The following PLEKHG2 variants were observed in gnomAD, a reference collection of about 807,000 sequenced individuals.
PLEKHG2 encodes the protein pleckstrin homology and RhoGEF domain containing G2.
Under a neutral mutation model 104.4 loss-of-function variants are expected in PLEKHG2, and 71 were observed. The observed-to-expected ratio is 0.68, with a 90% CI of 0.56 to 0.83. The LOEUF is 0.83. PLEKHG2 is among the 40% of genes least tolerant of loss of function. The pLI is 0.00. For missense variants in PLEKHG2, 1,730 were observed against 1,809.4 expected (o/e 0.96, Z 0.80); for synonymous variants, 728 against 737.0 (o/e 0.99, Z 0.20).
intron 8 of PLEKHG2, 70 bp from the exon 9 acceptor site, chr19:39,417,835 G>C: frequency 1.3e-6 from 2 of 1,498,794 alleles, no homozygotes; most frequent in Non-Finnish European, 1.8e-6. Flanking sequence ...CCCCTGTTTT[G>C]GTGTGTATGT....
intron 16 of PLEKHG2, chr19:39,421,702 A>T (rs2078700840): frequency 4.8e-6 from 1 of 210,450 alleles, no homozygotes; most frequent in Non-Finnish European, 9.5e-6. Context: ...AATAAATAAA[A>T]ATTTTAAGAG....
At position 39,415,576 on chromosome 19, in the gene PLEKHG2, G is replaced by A. The variant is rs1380942936; in HGVS notation, c.479+137G>A. The A allele has an allele frequency of 3.4e-5, 34 of 992,040 alleles. No homozygotes were observed. The highest frequency in any genetic ancestry group is 2.3e-5 in the Admixed American group (1 of 43,202). The allele number at this position is 992,040 out of a possible 1,614,324, so 61.5% of individuals were successfully genotyped here. A position where few individuals can be genotyped will look rare whatever the true frequency, so the allele number is the denominator to read the frequency against. ...ACATTGGGCAAGGATCAGGGATCAC[G>A]ACTGGGAGGGAGGACCCCGAGTGAG... On this transcript the variant is annotated intron_variant, in intron 4 of 18. Coordinates refer to ENST00000425673, the MANE Select transcript of PLEKHG2 (RefSeq NM_022835.3). The surrounding 1 kb of genome is among the most constrained non-coding windows in gnomAD (Gnocchi z 4.6).
At position 39,424,163 on chromosome 19, in the gene PLEKHG2, C is replaced by T; in HGVS notation, c.3030C>T (p.His1010=). The part of the protein sequence containing the change: ...PSTAFCPEQG[H]CADIHVPTTP... ...CCGCCTTTTGTCCTGAGCAGGGACA[C>T]TGTGCGGACATCCACGTTCCCACCA... The change falls in exon 19 of 19, where the codon CAC becomes CAT. Residue 1010 remains histidine, a synonymous_variant. Transcript: ENST00000425673. 1 of 1,614,164 alleles carries T rather than the reference C, an allele frequency of 6.2e-7. No individual in the cohort carries two copies. Among genetic ancestry groups the T allele is most frequent in the Non-Finnish European group, 8.5e-7 (1 of 1,180,024 alleles).
chr19:39,417,212 G>C (rs62119733), intron 7 of PLEKHG2, among the ~76,000 whole-genome samples: 29,387 of 151,592 alleles, frequency 0.19, 2,890 homozygotes, highest in Middle Eastern at 0.24. Context: ...GAGTACAGTG[G>C]TGCGATCTTG....
In PLEKHG2 at chr19:39,417,668, G is replaced by A. The variant is rs749357689; in HGVS notation, c.858G>A (p.Lys286=). Residue 286 remains lysine (K), a synonymous_variant, in exon 8 of 19, where the codon AAG becomes AAA. Coordinates refer to ENST00000425673, the MANE Select transcript of PLEKHG2 (RefSeq NM_022835.3). ...GGTACATCAACGACATGAAGCGCAA[G>A]CAGGAGCATGCAGCGCGCCTCCAGG... ...VAWYINDMKR[K]QEHAARLQEV... 1.2e-6 allele frequency: 2 copies of A among 1,613,100 alleles called. No homozygotes were observed. Among genetic ancestry groups the A allele is most frequent in the Non-Finnish European group, 1.7e-6 (2 of 1,179,760 alleles).
At chr19:39,414,849 A>T (rs12609068) in intron 2 of PLEKHG2, 143 bp from the exon 3 acceptor site, 59,734 of 959,104 alleles carry the variant, frequency 0.062, 2,447 homozygotes, top group East Asian at 0.19. Context: ...CTGGACCAAG[A>T]CAGGGCAGTG....
chr19:39,414,985 C>A lies in PLEKHG2; in HGVS notation c.110-7C>A. On this transcript the variant is annotated splice_polypyrimidine_tract_variant and splice_region_variant and intron_variant, in intron 2 of 18. Transcript: ENST00000425673. ...TTTCTCTGACCTCCTGTTCCACACC[C>A]CAGCAGCTCCTGCAGCCCCCACCAT... 6.3e-7 allele frequency: 1 copy of A among 1,589,190 alleles called. No homozygotes were observed. The highest frequency in any genetic ancestry group is 8.6e-7 in the Non-Finnish European group (1 of 1,165,648).
intron 9 of PLEKHG2, 148 bp downstream of exon 9, chr19:39,418,253 GT>G: frequency 1.4e-6 from 1 of 720,900 alleles, no homozygotes; most frequent in Non-Finnish European, 2.0e-6. Flanking sequence ...TTTCTTTCTA[GT>G]GTATAGAATG....
At position 39,423,782 on chromosome 19, in the gene PLEKHG2, A is replaced by G. The variant is rs143903073; in HGVS notation, c.2649A>G (p.Pro883=). The change falls in exon 19 of 19, where the codon CCA becomes CCG. Residue 883 remains proline, a synonymous_variant. Transcript: ENST00000425673. ...GHVLVCELAF[P]LTCAQESVPL... ...TGCTGGTATGTGAGCTGGCCTTCCC[A>G]CTGACATGTGCCCAGGAGTCTGTCC... 22 of 1,613,780 alleles carry G rather than the reference A, an allele frequency of 1.4e-5. No individual in the cohort carries two copies. The African/African-American group carries it at 2.1e-4, about 16-fold the overall frequency.
At position 39,416,320 on chromosome 19, in the gene PLEKHG2, G is replaced by A; in HGVS notation, c.480-28G>A. The A allele has an allele frequency of 6.2e-7, 1 of 1,611,204 alleles. No homozygotes were observed. ...CATGGAGGGGTCGTGAAGGCAGGCG[G>A]TTCCTCACCCTCCCCTCTCCCCTGT... On this transcript the variant is annotated intron_variant, in intron 4 of 18. Coordinates refer to ENST00000425673, the MANE Select transcript of PLEKHG2 (RefSeq NM_022835.3). This position sits in a 1 kb window ranked among gnomAD's most constrained non-coding sequence, Gnocchi z 4.5.
Position 39,425,358 on chromosome 19 carries a change from G to C in PLEKHG2, c.*64G>C. The C allele has an allele frequency of 7.8e-6, 12 of 1,539,582 alleles. No homozygotes were observed. Among genetic ancestry groups the C allele is most frequent in the Non-Finnish European group, 1.0e-5 (12 of 1,146,226 alleles). On this transcript the variant is annotated 3_prime_UTR_variant, in exon 19 of 19. Coordinates refer to ENST00000425673, the MANE Select transcript of PLEKHG2 (RefSeq NM_022835.3). Reference sequence around the variant, plus strand: ...CAGATGCCATAGACCCTCAGAACTTGACCTGGAAGTCCAGACACTGAACGC... The same window carrying C: ...CAGATGCCATAGACCCTCAGAACTTCACCTGGAAGTCCAGACACTGAACGC...
rs1045707178 is a variant in PLEKHG2, at chr19:39,413,458, G to A, written c.-23+46G>A. Reference sequence around the variant, plus strand: ...CCCAGGCGGACTGGGGGAGGGGGCGGCGCCACTGCTGAACAATGAGGGGGC... The same window carrying A: ...CCCAGGCGGACTGGGGGAGGGGGCGACGCCACTGCTGAACAATGAGGGGGC... On this transcript the variant is annotated intron_variant, in intron 1 of 18. Coordinates refer to ENST00000425673, the MANE Select transcript of PLEKHG2 (RefSeq NM_022835.3). This position sits in a 1 kb window ranked among gnomAD's most constrained non-coding sequence, Gnocchi z 4.5. 2 of 152,044 alleles carry A rather than the reference G, an allele frequency of 1.3e-5. No individual in the cohort carries two copies. Among genetic ancestry groups the A allele is most frequent in the African/African-American group, 4.8e-5 (2 of 41,378 alleles). 9.4% of individuals were successfully genotyped at this position (152,044 alleles called of 1,614,324 possible). A position where few individuals can be genotyped will look rare whatever the true frequency, so the allele number is the denominator to read the frequency against.
chr19:39,417,101 G>C, intron 7 of PLEKHG2, 101 bp downstream of exon 7: 1 of 1,373,038 alleles, frequency 7.3e-7, no homozygotes, highest in Non-Finnish European at 9.7e-7. Flanking sequence ...AGTTGGGCAA[G>C]GCCTCCCAAA....
In PLEKHG2 at chr19:39,420,832, C is replaced by A. The variant is rs1345391814; in HGVS notation, c.1379C>A (p.Thr460Asn). Reference protein sequence around the residue: ...SPRPRDARSFTPGRRNTAPSP... With the variant: ...SPRPRDARSFNPGRRNTAPSP... ...CGACCTCGAGATGCTAGAAGTTTTACCCCTGGGCGAAGGAACACAGGTAAA... is the reference window on the plus strand; with the variant it reads ...CGACCTCGAGATGCTAGAAGTTTTAACCCTGGGCGAAGGAACACAGGTAAA... Residue 460 changes from threonine to asparagine, a missense_variant, in exon 13 of 19, where the codon ACC (threonine) becomes AAC (asparagine). Thr to Asn is a moderately conservative substitution (Grantham distance 65). Coordinates refer to ENST00000425673, the MANE Select transcript of PLEKHG2 (RefSeq NM_022835.3). The A allele has an allele frequency of 6.2e-7, 1 of 1,614,190 alleles. No individual in the cohort carries two copies. The highest frequency in any genetic ancestry group is 2.2e-5 in the East Asian group (1 of 44,888).
intron 17 of PLEKHG2, 88 bp from the exon 18 acceptor site, chr19:39,422,644 C>A: frequency 6.9e-7 from 1 of 1,452,834 alleles, no homozygotes. Flanking sequence ...CCACTTCAGC[C>A]TCCCAAAGTG....
At chr19:39,421,467 C>T (rs1010180976) in intron 16 of PLEKHG2, among the ~76,000 whole-genome samples, 168 bp downstream of exon 16, 3 of 152,042 alleles carry the variant, frequency 2.0e-5, no homozygotes, top group Admixed American at 2.0e-4. Flanking sequence ...AGGAGGATTG[C>T]TCGAGCCCAG....
intron 14 of PLEKHG2, 38 bp downstream of exon 14, chr19:39,421,034 G>T: frequency 6.2e-7 from 1 of 1,614,088 alleles, no homozygotes; most frequent in Non-Finnish European, 8.5e-7. Context: ...AGGCATCGGG[G>T]TGGGAGCTGG....
rs1568390675 is a variant in PLEKHG2, at chr19:39,416,748, C to T, written c.594-102C>T. 1.4e-5 allele frequency: 20 copies of T among 1,477,648 alleles called. No homozygotes were observed. The highest frequency in any genetic ancestry group is 2.3e-5 in the East Asian group (1 of 44,164). The allele number at this position is 1,477,648 out of a possible 1,614,324, so 91.5% of individuals were successfully genotyped here. On this transcript the variant is annotated intron_variant, in intron 6 of 18. Coordinates refer to ENST00000425673, the MANE Select transcript of PLEKHG2 (RefSeq NM_022835.3). This position sits in a 1 kb window ranked among gnomAD's most constrained non-coding sequence, Gnocchi z 4.5. ...GACCTCTCCCTCACTGCCCCGCCCCCTGTCAGACCCTGACCCTTCCCAAAC... is the reference window on the plus strand; with the variant it reads ...GACCTCTCCCTCACTGCCCCGCCCCTTGTCAGACCCTGACCCTTCCCAAAC...
chr19:39,422,833 A>G lies in PLEKHG2; in HGVS notation c.1779A>G (p.Glu593=), dbSNP rs1173977019. The G allele has an allele frequency of 1.3e-6, 2 of 1,562,098 alleles. No homozygotes were observed. The highest frequency in any genetic ancestry group is 8.7e-7 in the Non-Finnish European group (1 of 1,153,028). ...CCCTGCCCAGCCGGGACTCTTCAGA[A>G]GAGGAGGAGGAGGAAGAGGAAGGGC... is the stretch of plus-strand genomic sequence containing the variant. ...FQALPSRDSS[E]EEEEEEEGLE... is the part of the protein sequence containing the mutation. The change falls in exon 18 of 19, where the codon GAA becomes GAG. Residue 593 remains glutamate (E), a synonymous_variant. Coordinates refer to ENST00000425673, the MANE Select transcript of PLEKHG2 (RefSeq NM_022835.3).
Sources: gnomAD v4.1 joint callset for allele counts (sites outside exome capture counted in the v4.1 genomes callset) on GRCh38, gnomAD v4.1.1 for gene constraint, Gnocchi (gnomAD v3.1) non-coding constraint, MANE v1.5 for transcripts, NCBI Gene and HGNC (gene_info 2026-07-23, HGNC 2026-07-21) for gene names.